Variants in RBPJ observed in about 807,000 individuals in gnomAD.
RBPJ encodes recombining binding protein suppressor of hairless.
RBPJ carries 9 observed loss-of-function variants against 67.8 expected under a neutral mutation model. That is an observed-to-expected ratio of 0.13 (90% confidence interval 0.08 to 0.23). The LOEUF is 0.23. RBPJ is among the 10% of genes least tolerant of loss of function. The probability of loss-of-function intolerance (pLI) is 1.00; values close to 1 mark genes in which losing one functional copy is unlikely to be tolerated. For missense variants in RBPJ, 305 were observed against 595.6 expected (o/e 0.51, Z 5.08); for synonymous variants, 198 against 203.3 (o/e 0.97, Z 0.22).
Position 26,424,890 on chromosome 4 carries a change from A to G in RBPJ, c.747+147A>G. On this transcript the variant is annotated intron_variant, in intron 7 of 10. Transcript: ENST00000355476. This position sits in a 1 kb window ranked among gnomAD's most constrained non-coding sequence, Gnocchi z 5.3. The stretch of plus-strand genomic sequence containing the variant: ...ATGTTAGTAATCAGTGCTGTTTATA[A>G]TTGACAGTTATGCTCTACCTTATTT... The G allele has an allele frequency of 1.8e-6, 1 of 554,484 alleles. No individual in the cohort carries two copies. Among genetic ancestry groups the G allele is most frequent in the South Asian group, 2.8e-5 (1 of 36,138 alleles). 34.3% of individuals were successfully genotyped at this position (554,484 alleles called of 1,614,324 possible).
At chr4:26,292,622 A>T (rs1030478194) in intron 1 of RBPJ, among the ~76,000 whole-genome samples, 1 of 150,126 alleles carries the variant, frequency 6.7e-6, no homozygotes, top group Non-Finnish European at 1.5e-5. Flanking sequence ...AGGTTTCACC[A>T]TGTTGGCCAG....
intron 1 of RBPJ, among the ~76,000 whole-genome samples, chr4:26,327,542 GTTTT>G (rs11350013): frequency 1.9e-5 from 2 of 104,894 alleles, no homozygotes; most frequent in East Asian, 3.3e-4. Context: ...GACCCTGGAG[GTTTT>G]TTTTTTTTTT....
intron 1 of RBPJ, among the ~76,000 whole-genome samples, chr4:26,176,560 A>G (rs1163424067): frequency 2.0e-5 from 3 of 152,186 alleles, no homozygotes; most frequent in East Asian, 3.9e-4. Flanking sequence ...GCTAACTAAG[A>G]CTGCTCCCCT....
chr4:26,204,410 G>T (rs555641265), intron 1 of RBPJ, among the ~76,000 whole-genome samples: 1 of 152,350 alleles, frequency 6.6e-6, no homozygotes, highest in South Asian at 2.1e-4. Flanking sequence ...GGCTGTCAGA[G>T]TTCAGGAAAT....
At chr4:26,188,222 C>T (rs1717347123) in intron 1 of RBPJ, among the ~76,000 whole-genome samples, 1 of 151,348 alleles carries the variant, frequency 6.6e-6, no homozygotes, top group African/African-American at 2.4e-5. Context: ...CACACACATA[C>T]ACACACACAC....
intron 3 of RBPJ, among the ~76,000 whole-genome samples, chr4:26,407,607 A>G (rs1733566004): frequency 6.6e-6 from 1 of 152,132 alleles, no homozygotes; most frequent in Admixed American, 6.5e-5. Context: ...CCATGGAAAA[A>G]GCCTGCTTAT....
intron 1 of RBPJ, among the ~76,000 whole-genome samples, chr4:26,331,631 G>T (rs1477548816): frequency 2.0e-5 from 3 of 152,092 alleles, no homozygotes; most frequent in African/African-American, 7.2e-5. Context: ...TGCTGCTTAT[G>T]ATCTTTGTCT....
At chr4:26,329,810 C>T (rs1049960948) in intron 1 of RBPJ, among the ~76,000 whole-genome samples, 6 of 151,662 alleles carry the variant, frequency 4.0e-5, no homozygotes, top group Non-Finnish European at 7.4e-5. Context: ...AGGAGAATGG[C>T]ATGAACCCGG....
chr4:26,215,041 G>T lies in RBPJ; in HGVS notation c.-167+51427G>T. ...GAAAGAAAGAAAGAAAAGAAAGAGG[G>T]AGGGAGGGAAGAGAGAGAGAAAGAA... On this transcript the variant is annotated intron_variant, in intron 1 of 4. Transcript: ENST00000512351. Among the ~76,000 whole-genome samples the T allele has an allele frequency of 1.8e-5, 2 of 111,468 alleles. 1 individual carries two copies. The highest frequency in any genetic ancestry group is 7.0e-5 in the African/African-American group (2 of 28,764). The allele number at this position is 111,468 out of a possible 152,430, so 73.1% of individuals were successfully genotyped here.
the RBPJ span, among the ~76,000 whole-genome samples, chr4:26,138,695 T>C: frequency 6.6e-6 from 1 of 152,132 alleles, no homozygotes; most frequent in Non-Finnish European, 1.5e-5. Context: ...TAGTGACCAA[T>C]GTGGAGTACA....
At chr4:26,175,612 G>A (rs1285130837) in intron 1 of RBPJ, among the ~76,000 whole-genome samples, 4 of 152,158 alleles carry the variant, frequency 2.6e-5, no homozygotes, top group African/African-American at 9.7e-5. Flanking sequence ...TGGAATGATC[G>A]TGCCTAGATG....
At chr4:26,373,086 A>T (rs1006914259) in intron 1 of RBPJ, among the ~76,000 whole-genome samples, 2 of 152,258 alleles carry the variant, frequency 1.3e-5, no homozygotes, top group Non-Finnish European at 2.9e-5. Context: ...AATGTAAGTT[A>T]CAATTCAAAA....
chr4:26,314,707 C>T (rs1722545126), upstream of RBPJ, among the ~76,000 whole-genome samples: 1 of 152,124 alleles, frequency 6.6e-6, no homozygotes, highest in Non-Finnish European at 1.5e-5. Context: ...TGCTGTCATG[C>T]TTCCTGTACA....
intron 1 of RBPJ, among the ~76,000 whole-genome samples, chr4:26,182,819 A>G (rs1291157990): frequency 6.6e-6 from 1 of 152,174 alleles, no homozygotes; most frequent in Non-Finnish European, 1.5e-5. Flanking sequence ...TTCTTTGTTA[A>G]AAGCTAAGAC....
chr4:26,411,773 A>T (rs916795876), intron 3 of RBPJ, among the ~76,000 whole-genome samples: 2 of 152,102 alleles, frequency 1.3e-5, no homozygotes, highest in Non-Finnish European at 2.9e-5. Flanking sequence ...TTCTTTTATC[A>T]GTTTAGCTCT....
At chr4:26,165,053 T>C (rs1407281082) in intron 1 of RBPJ, among the ~76,000 whole-genome samples, 1 of 152,218 alleles carries the variant, frequency 6.6e-6, no homozygotes, top group African/African-American at 2.4e-5. Flanking sequence ...AGTATAATAT[T>C]ATACTGTATT....
upstream of RBPJ, chr4:26,320,935 G>C: frequency 6.2e-7 from 1 of 1,610,330 alleles, no homozygotes; most frequent in Non-Finnish European, 8.5e-7. Context: ...GAATCGAGGA[G>C]TGAGGAAAAA....
chr4:26,112,352 G>A, the RBPJ span: 1 of 156,878 alleles, frequency 6.4e-6, no homozygotes, highest in African/African-American at 2.4e-5. Context: ...CCAGAAAGAA[G>A]CCTGATGCAT....
intron 1 of RBPJ, among the ~76,000 whole-genome samples, chr4:26,357,017 G>T (rs1281852427): frequency 6.6e-6 from 1 of 152,164 alleles, no homozygotes; most frequent in African/African-American, 2.4e-5. Flanking sequence ...TGAGGAAAAA[G>T]GGAGTAAAGA....
Sources: allele counts gnomAD v4.1 joint callset (sites outside exome capture counted in the v4.1 genomes callset), GRCh38; gene constraint gnomAD v4.1.1; non-coding constraint Gnocchi (gnomAD v3.1); transcripts MANE v1.5; gene names NCBI Gene and HGNC (gene_info 2026-07-23, HGNC 2026-07-21).